Variants in SEMA3E observed in about 807,000 individuals in gnomAD.
SEMA3E encodes semaphorin 3E, also known as semaphorin-3E.
Under a neutral mutation model 93.6 loss-of-function variants are expected in SEMA3E, and 49 were observed. That is an observed-to-expected ratio of 0.52 (90% confidence interval 0.42 to 0.66). The LOEUF is 0.66. SEMA3E is among the 30% of genes least tolerant of loss of function. SEMA3E has a pLI of 0.00. For missense variants in SEMA3E, 906 were observed against 964.8 expected (o/e 0.94, Z 0.81); for synonymous variants, 363 against 330.7 (o/e 1.10, Z -1.06).
intron 16 of SEMA3E, chr7:83,371,669 A>T (rs1270699169): frequency 1.3e-5 from 2 of 152,128 alleles, no homozygotes; most frequent in Admixed American, 6.6e-5. Context: ...GGCAACCTGT[A>T]CATTACCAGA....
At chr7:83,467,804 A>G (rs41410246) in intron 3 of SEMA3E, among the ~76,000 whole-genome samples, 15,677 of 152,244 alleles carry the variant, frequency 0.1, 990 homozygotes, top group Non-Finnish European at 0.14. Flanking sequence ...GGCATTTCCC[A>G]GTTAATTGAG....
At chr7:83,418,148 T>A (rs1788593446) in intron 5 of SEMA3E, among the ~76,000 whole-genome samples, 1 of 152,162 alleles carries the variant, frequency 6.6e-6, no homozygotes, top group Non-Finnish European at 1.5e-5. Flanking sequence ...ACATGAGATA[T>A]TAAACGACAA....
At chr7:83,527,901 T>C (rs980647528) in intron 1 of SEMA3E, among the ~76,000 whole-genome samples, 2 of 152,076 alleles carry the variant, frequency 1.3e-5, no homozygotes, top group African/African-American at 4.8e-5. Flanking sequence ...CTAAAGTAAT[T>C]GAGTACTTAA....
chr7:83,363,955 C>T lies in SEMA3E; in HGVS notation c.*3631G>A, dbSNP rs915120759. The T allele has an allele frequency of 5.7e-5, 8 of 139,442 alleles. No individual in the cohort carries two copies. The highest frequency in any genetic ancestry group is 2.3e-4 in the East Asian group (1 of 4,440). The allele number at this position is 139,442 out of a possible 1,614,324, so 8.6% of individuals were successfully genotyped here. On this transcript the variant is annotated 3_prime_UTR_variant, in exon 17 of 17. Transcript: ENST00000643230. ...CAGGCCGGACTGCGGACTGCAGTGG[C>T]GCAATCTCGGCTCACTGCAAGCTCC...
intron 4 of SEMA3E, among the ~76,000 whole-genome samples, chr7:83,459,856 G>C (rs1406806994): frequency 6.6e-6 from 1 of 152,126 alleles, no homozygotes; most frequent in East Asian, 1.9e-4. Flanking sequence ...ACATTACCTT[G>C]TGAAAGTCCT....
intron 4 of SEMA3E, among the ~76,000 whole-genome samples, chr7:83,465,361 T>G (rs746049876): frequency 2.0e-5 from 3 of 152,234 alleles, no homozygotes; most frequent in East Asian, 1.9e-4. Flanking sequence ...TGTTTGGTGG[T>G]CTCTTCACAC....
At chr7:83,525,253 C>T (rs1017826620) in intron 1 of SEMA3E, among the ~76,000 whole-genome samples, 3 of 151,990 alleles carry the variant, frequency 2.0e-5, no homozygotes, top group African/African-American at 4.8e-5. Context: ...CTGAAAATTA[C>T]GTAACCTGTT....
chr7:83,532,115 C>T (rs973337398), intron 1 of SEMA3E, among the ~76,000 whole-genome samples: 1 of 152,090 alleles, frequency 6.6e-6, no homozygotes, highest in Non-Finnish European at 1.5e-5. Context: ...TTTAAGACAA[C>T]ATTAAAAAAA....
intron 5 of SEMA3E, among the ~76,000 whole-genome samples, chr7:83,416,734 CT>C (rs1176919555): frequency 6.6e-6 from 1 of 151,834 alleles, no homozygotes; most frequent in African/African-American, 2.4e-5. Flanking sequence ...AAGAAAGTCT[CT>C]TTTTTTCAAA....
At chr7:83,420,116 A>C (rs1788643394) in intron 4 of SEMA3E, among the ~76,000 whole-genome samples, 1 of 152,198 alleles carries the variant, frequency 6.6e-6, no homozygotes, top group Non-Finnish European at 1.5e-5. Context: ...TCAATGTCTA[A>C]AAATCAGCAA....
chr7:83,441,028 A>G (rs1789103538), intron 4 of SEMA3E, among the ~76,000 whole-genome samples: 1 of 152,194 alleles, frequency 6.6e-6, no homozygotes, highest in Non-Finnish European at 1.5e-5. Flanking sequence ...GAAGAGACTT[A>G]CTGGATGGCA....
chr7:83,391,055 C>T (rs1203711693), intron 14 of SEMA3E, among the ~76,000 whole-genome samples: 1 of 152,050 alleles, frequency 6.6e-6, no homozygotes, highest in East Asian at 1.9e-4. Flanking sequence ...TGCTGTTATT[C>T]GTGGTTACAT....
At chr7:83,440,815 A>G (rs1308158164) in intron 4 of SEMA3E, among the ~76,000 whole-genome samples, 1 of 151,994 alleles carries the variant, frequency 6.6e-6, no homozygotes, top group Non-Finnish European at 1.5e-5. Flanking sequence ...AAAAAAAAAA[A>G]AAAAGACAGA....
At chr7:83,436,513 A>G (rs2713162) in intron 4 of SEMA3E, among the ~76,000 whole-genome samples, 109,761 of 151,606 alleles carry the variant, frequency 0.72, 40,746 homozygotes, top group East Asian at 1. Context: ...ACATATATAT[A>G]TATTTATGTT....
Position 83,381,440 on chromosome 7 carries a change from A to AT in SEMA3E, c.1875+3853dup, listed in dbSNP as rs558778134. On this transcript the variant is annotated intron_variant, in intron 16 of 16. Transcript: ENST00000643230. ...TGACCTATGCCCTCACTTTTTTCAG[A>AT]TTTTTTTTCCAAATGTCACTTTTAT... 8.1e-4 allele frequency among the ~76,000 whole-genome samples: 123 copies of AT among 151,686 alleles called. 1 individual carries two copies. Among genetic ancestry groups the AT allele is most frequent in the African/African-American group, 2.6e-3 (109 of 41,424 alleles).
chr7:83,397,412 G>A lies in SEMA3E; in HGVS notation c.1367-683C>T, dbSNP rs1377120552. ...TTACCAAAAGCTACTTTTATGGTAC[G>A]AAACTATACCTTTAGTCTTAGGGAA... On this transcript the variant is annotated intron_variant, in intron 11 of 16. Transcript: ENST00000643230. Among the ~76,000 whole-genome samples the A allele has an allele frequency of 2.6e-5, 4 of 151,948 alleles. No homozygotes were observed. The East Asian group carries it at 5.8e-4, about 22-fold the overall frequency.
intron 16 of SEMA3E, among the ~76,000 whole-genome samples, chr7:83,370,868 C>A (rs1300913582): frequency 6.6e-6 from 1 of 152,242 alleles, no homozygotes; most frequent in East Asian, 1.9e-4. Context: ...ATTTACTCTT[C>A]TTTAAAGCTC....
At chr7:83,498,632 T>A (rs1178500553) in intron 1 of SEMA3E, among the ~76,000 whole-genome samples, 1 of 151,970 alleles carries the variant, frequency 6.6e-6, no homozygotes, top group African/African-American at 2.4e-5. Flanking sequence ...TATGTGCCAC[T>A]ATGCCCTGCA....
intron 16 of SEMA3E, among the ~76,000 whole-genome samples, chr7:83,382,128 T>C (rs1265746036): frequency 6.6e-6 from 1 of 152,064 alleles, no homozygotes; most frequent in Non-Finnish European, 1.5e-5. Context: ...CCAAAGCATC[T>C]GAAGCTGTAT....
Sources: gnomAD v4.1 joint callset for allele counts (sites outside exome capture counted in the v4.1 genomes callset) on GRCh38, gnomAD v4.1.1 for gene constraint, MANE v1.5 for transcripts, NCBI Gene and HGNC (gene_info 2026-07-23, HGNC 2026-07-21) for gene names.